The following CFLAR variants were observed in gnomAD, a reference collection of about 807,000 sequenced individuals.
CFLAR encodes CASP8 and FADD-like apoptosis regulator.
Under a neutral mutation model 51.1 loss-of-function variants are expected in CFLAR, and 14 were observed. The ratio of observed to expected loss-of-function variants is 0.27; its 90% CI spans 0.18 to 0.43. The LOEUF (loss-of-function observed/expected upper bound fraction) is 0.43, where lower values mean the gene tolerates loss of function less well. CFLAR is among the 20% of genes least tolerant of loss of function. The pLI is 1.00. For synonymous variants in CFLAR, 210 were observed against 211.6 expected (o/e 0.99, Z 0.06); for missense variants, 390 against 566.5 (o/e 0.69, Z 3.16).
At chr2:201,149,683 G>T in intron 7 of CFLAR, 71 bp from the exon 8 acceptor site, 1 of 1,152,674 alleles carries the variant, frequency 8.7e-7, no homozygotes, top group Non-Finnish European at 1.3e-6. Flanking sequence ...AGAAGAGATG[G>T]TATATGGGTG....
chr2:201,153,903 C>CTTTTTTTTTTTT (rs747813572), intron 8 of CFLAR, among the ~76,000 whole-genome samples: 5 of 103,048 alleles, frequency 4.9e-5, no homozygotes, highest in South Asian at 3.0e-4. Context: ...TCTTTTCTTT[C>CTTTTTTTTTTTT]TTTTTTTTTT....
chr2:201,151,773 T>C (rs1443043565), intron 8 of CFLAR, among the ~76,000 whole-genome samples: 2 of 151,958 alleles, frequency 1.3e-5, no homozygotes, highest in Admixed American at 1.3e-4. Context: ...ACTAAGTTTT[T>C]TGGCTAAAAC....
intron 1 of CFLAR, among the ~76,000 whole-genome samples, chr2:201,123,268 C>T (rs2125611734): frequency 6.6e-6 from 1 of 152,302 alleles, no homozygotes; most frequent in African/African-American, 2.4e-5. Flanking sequence ...TTTGTGGGAG[C>T]TTCCTTGAGA....
chr2:201,161,305 A>G (rs992271619), intron 9 of CFLAR, among the ~76,000 whole-genome samples: 1 of 152,168 alleles, frequency 6.6e-6, no homozygotes, highest in African/African-American at 2.4e-5. Flanking sequence ...CAGGAGTTTG[A>G]GGCTGCAGTG....
chr2:201,162,451 A>C (rs1460209186), intron 9 of CFLAR: 1 of 152,480 alleles, frequency 6.6e-6, no homozygotes, highest in East Asian at 1.9e-4. Context: ...TAATTAAAAA[A>C]ATTTTAATAC....
intron 2 of CFLAR, among the ~76,000 whole-genome samples, chr2:201,132,419 A>AG (rs199801124): frequency 0.046 from 6,065 of 132,928 alleles, 156 homozygotes; most frequent in Middle Eastern, 0.09. Context: ...TCTATTTCCT[A>AG]GGGGGGGAAA....
intron 4 of CFLAR, chr2:201,136,338 G>T (rs762596695): frequency 1.4e-5 from 22 of 1,598,468 alleles, no homozygotes; most frequent in Non-Finnish European, 1.7e-5. Flanking sequence ...CTGCCAAGCA[G>T]TTCTTAACAT....
Position 201,167,200 on chromosome 2 carries a change from T to C in CFLAR, c.*3227T>C, listed in dbSNP as rs145218716. 6.6e-6 allele frequency: 1 copy of C among 152,206 alleles called. No individual in the cohort carries two copies. Among genetic ancestry groups the C allele is most frequent in the Non-Finnish European group, 1.5e-5 (1 of 68,018 alleles). 9.4% of individuals were successfully genotyped at this position (152,206 alleles called of 1,614,324 possible). On this transcript the variant is annotated 3_prime_UTR_variant, in exon 10 of 10. Transcript: ENST00000309955. ...ACAGTTTTCAGGAACAACAAGCAAT[T>C]ATTCCTACTTTCCAAGTTATTTTGA...
chr2:201,134,736 C>T (rs962062487), intron 3 of CFLAR, among the ~76,000 whole-genome samples: 6 of 151,404 alleles, frequency 4.0e-5, no homozygotes, highest in Admixed American at 3.3e-4. Context: ...TACTGTTGAC[C>T]TAAGGATAGG....
At chr2:201,146,575 C>A (rs1021596521) in intron 6 of CFLAR, 4 of 152,318 alleles carry the variant, frequency 2.6e-5, no homozygotes, top group Admixed American at 6.5e-5. Flanking sequence ...AGCCACTGCA[C>A]CCAGCAAAAG....
chr2:201,130,021 C>A lies in CFLAR; in HGVS notation c.156C>A (p.Val52=). Residue 52 remains valine, a synonymous_variant, in exon 2 of 10, where the codon GTC becomes GTA. Transcript: ENST00000309955. Reference sequence around the variant, plus strand: ...TACGGGAAAGAGGTAAGCTGTCTGTCGGGGACTTGGCTGAACTGCTCTACA... The same window carrying A: ...TACGGGAAAGAGGTAAGCTGTCTGTAGGGGACTTGGCTGAACTGCTCTACA... ...DILRERGKLS[V]GDLAELLYRV... 1 of 1,614,098 alleles carries A rather than the reference C, an allele frequency of 6.2e-7. No homozygotes were observed. Among genetic ancestry groups the A allele is most frequent in the Non-Finnish European group, 8.5e-7 (1 of 1,180,024 alleles).
At chr2:201,131,846 C>T (rs190934155) in intron 2 of CFLAR, among the ~76,000 whole-genome samples, 307 of 152,286 alleles carry the variant, frequency 2.0e-3, no homozygotes, top group Non-Finnish European at 3.8e-3. Context: ...GGGCCAATCA[C>T]TAACCTTGTT....
chr2:201,137,494 A>C (rs1374824389), intron 4 of CFLAR: 1 of 595,716 alleles, frequency 1.7e-6, no homozygotes, highest in Non-Finnish European at 3.1e-6. Context: ...TCCCTCCACC[A>C]TCTCGCCCTG....
intron 8 of CFLAR, among the ~76,000 whole-genome samples, chr2:201,159,763 A>T (rs1380000421): frequency 6.6e-6 from 1 of 152,228 alleles, no homozygotes; most frequent in Non-Finnish European, 1.5e-5. Flanking sequence ...GGCTAAAAAC[A>T]ACAGTACTAA....
chr2:201,137,474 TG>T, intron 4 of CFLAR: 1 of 558,060 alleles, frequency 1.8e-6, no homozygotes. Context: ...AGGTGGACAC[TG>T]GGGTGCACTC....
rs1559270711 is a variant in CFLAR at position 201,167,763 on chromosome 2, C to T, written c.*3790C>T. The stretch of plus-strand genomic sequence containing the variant: ...TTGAACCATGAAGATACGGGCCACA[C>T]GTAGGGGTAGCTGGGTAGTGAGCAG... On this transcript the variant is annotated 3_prime_UTR_variant, in exon 10 of 10. Coordinates refer to ENST00000309955, the MANE Select transcript of CFLAR (RefSeq NM_003879.7). 6.6e-6 allele frequency: 1 copy of T among 152,140 alleles called. No homozygotes were observed. The highest frequency in any genetic ancestry group is 1.5e-5 in the Non-Finnish European group (1 of 68,052). The allele number at this position is 152,140 out of a possible 1,614,324, so 9.4% of individuals were successfully genotyped here. A position where few individuals can be genotyped will look rare whatever the true frequency, so the allele number is the denominator to read the frequency against.
At chr2:201,137,947 G>T (rs1223835488) in intron 4 of CFLAR, 11 of 758,280 alleles carry the variant, frequency 1.5e-5, no homozygotes, top group Non-Finnish European at 2.5e-5. Context: ...TTGACCACAT[G>T]CCCCATGGTC....
At chr2:201,126,316 AGACGC>A (rs1559175896) in intron 1 of CFLAR, among the ~76,000 whole-genome samples, 1 of 152,216 alleles carries the variant, frequency 6.6e-6, no homozygotes, top group Non-Finnish European at 1.5e-5. Context: ...ACAAGGTGAT[AGACGC>A]GGGGCTTTGG....
In CFLAR at chr2:201,125,900, C is replaced by T. The variant is rs1275689254; in HGVS notation, c.-137-3829C>T. Among the ~76,000 whole-genome samples, 3 of 152,056 alleles carry T rather than the reference C, an allele frequency of 2.0e-5. No homozygotes were observed. The East Asian group carries it at 5.8e-4, about 29-fold the overall frequency. Reference sequence around the variant, plus strand: ...ATTAAGGCAGGGGTGCTGGAGCGATCAACCATCCCTGTTTGCCTGGGACTG... The same window carrying T: ...ATTAAGGCAGGGGTGCTGGAGCGATTAACCATCCCTGTTTGCCTGGGACTG... On this transcript the variant is annotated intron_variant, in intron 1 of 9. Coordinates refer to ENST00000309955, the MANE Select transcript of CFLAR (RefSeq NM_003879.7).
Sources: gnomAD v4.1 joint callset for allele counts (sites outside exome capture counted in the v4.1 genomes callset) on GRCh38, gnomAD v4.1.1 for gene constraint, MANE v1.5 for transcripts, NCBI Gene and HGNC (gene_info 2026-07-23, HGNC 2026-07-21) for gene names.